CBFA2T3: variants seen among roughly 807,000 people sequenced by gnomAD.
CBFA2T3 encodes transcriptional corepressor CBFA2T3.
Under a neutral mutation model 58.6 loss-of-function variants are expected in CBFA2T3, and 31 were observed. That is an observed-to-expected ratio of 0.53 (90% CI 0.40 to 0.71). The LOEUF is 0.71. Ranked by LOEUF, CBFA2T3 falls within the 30% of genes least tolerant of loss-of-function variation. The probability of loss-of-function intolerance (pLI) is 0.00; values close to 1 mark genes in which losing one functional copy is unlikely to be tolerated. For missense variants in CBFA2T3, 1,076 were observed against 963.1 expected, an observed-to-expected ratio of 1.12 and a Z score of -1.55; for synonymous variants, 531 against 421.9, an observed-to-expected ratio of 1.26 and a Z score of -3.17.
intron 1 of CBFA2T3, among the ~76,000 whole-genome samples, chr16:88,959,083 G>A (rs571558680): frequency 3.9e-5 from 6 of 152,346 alleles, no homozygotes; most frequent in Non-Finnish European, 7.3e-5. Flanking sequence ...CCATCCTCGC[G>A]ATGCCAAGGT....
At chr16:88,895,402 G>A (rs1969845702) in intron 3 of CBFA2T3, among the ~76,000 whole-genome samples, 1 of 152,146 alleles carries the variant, frequency 6.6e-6, no homozygotes. Context: ...GCTGTGGCCC[G>A]GGCTGGGCTC....
intron 1 of CBFA2T3, chr16:88,938,427 C>G (rs1175590688): frequency 6.6e-6 from 1 of 152,544 alleles, no homozygotes; most frequent in Non-Finnish European, 1.5e-5. Context: ...CCTGCATGAC[C>G]TGTGGAGTGA....
At chr16:88,882,838 G>T in intron 7 of CBFA2T3, 77 bp from the exon 8 acceptor site, 2 of 1,007,554 alleles carry the variant, frequency 2.0e-6, no homozygotes, top group Non-Finnish European at 3.0e-6. Flanking sequence ...CCCGCCCTCT[G>T]CTCCCAGGCC....
chr16:88,906,445 G>A (rs115151903), intron 1 of CBFA2T3, among the ~76,000 whole-genome samples: 2,029 of 151,744 alleles, frequency 0.013, 44 homozygotes, highest in African/African-American at 0.048. Context: ...CGCTCCAGCC[G>A]CAAGACGGCC....
intron 1 of CBFA2T3, among the ~76,000 whole-genome samples, chr16:88,962,686 C>T (rs1490811296): frequency 6.6e-6 from 1 of 152,244 alleles, no homozygotes; most frequent in Non-Finnish European, 1.5e-5. Context: ...AGTGCCTTCC[C>T]ACCCAGCACC....
Position 88,958,417 on chromosome 16 carries a change from G to A in CBFA2T3, c.151+18240C>T, listed in dbSNP as rs540646880. 2.4e-4 allele frequency among the ~76,000 whole-genome samples: 37 copies of A among 151,806 alleles called. 1 individual carries two copies. The highest frequency in any genetic ancestry group is 9.0e-4 in the African/African-American group (37 of 41,340). On this transcript the variant is annotated intron_variant, in intron 1 of 11. Coordinates refer to ENST00000268679, the MANE Select transcript of CBFA2T3 (RefSeq NM_005187.6). This position sits in a 1 kb window ranked among gnomAD's most constrained non-coding sequence, Gnocchi z 4.0. ...AGGAGAAGTTTTATTTGGGGTGGGGGTGTTAGAGTAATGCCAGGCGGGGCG... is the reference window on the plus strand; with the variant it reads ...AGGAGAAGTTTTATTTGGGGTGGGGATGTTAGAGTAATGCCAGGCGGGGCG...
intron 2 of CBFA2T3, among the ~76,000 whole-genome samples, chr16:88,898,422 T>G (rs1412209421): frequency 6.6e-6 from 1 of 152,198 alleles, no homozygotes; most frequent in Non-Finnish European, 1.5e-5. Flanking sequence ...CTGACGGGGC[T>G]CTGTCACCAC....
chr16:88,877,930 G>C (rs890369654), intron 11 of CBFA2T3, among the ~76,000 whole-genome samples: 2 of 152,186 alleles, frequency 1.3e-5, no homozygotes, highest in Admixed American at 6.5e-5. Context: ...ACCTGCCCTA[G>C]GGGAGAAGCC....
intron 1 of CBFA2T3, among the ~76,000 whole-genome samples, chr16:88,971,670 ACAGCTCCCAGCT>A (rs1972659459): frequency 1.3e-5 from 2 of 152,194 alleles, no homozygotes; most frequent in Non-Finnish European, 2.9e-5. Context: ...GACCCAGTCC[ACAGCTCCCAGCT>A]GGAGTTCCTT....
chr16:88,949,425 G>T (rs1419707316), intron 1 of CBFA2T3, among the ~76,000 whole-genome samples: 3 of 152,098 alleles, frequency 2.0e-5, no homozygotes, highest in African/African-American at 7.2e-5. Flanking sequence ...CAGGTGTGAT[G>T]GTGTGTGCCT....
intron 1 of CBFA2T3, among the ~76,000 whole-genome samples, chr16:88,975,559 G>C (rs1972835209): frequency 6.6e-6 from 1 of 152,280 alleles, no homozygotes; most frequent in African/African-American, 2.4e-5. Context: ...AGAGAGGACG[G>C]GATGGCAGAT....
intron 1 of CBFA2T3, among the ~76,000 whole-genome samples, chr16:88,916,356 G>A (rs771953677): frequency 3.9e-5 from 6 of 151,992 alleles, no homozygotes; most frequent in Non-Finnish European, 5.9e-5. Context: ...GTGTGTGTCC[G>A]TGTATATGCA....
rs139160505 is a variant in CBFA2T3, at chr16:88,970,270, C to T, written c.151+6387G>A. On this transcript the variant is annotated intron_variant, in intron 1 of 11. Coordinates refer to ENST00000268679, the MANE Select transcript of CBFA2T3 (RefSeq NM_005187.6). ...GTGCTTGATCCAGGGGTCGGCGACG[C>T]GGGTGTCAGGCAGCACCTGCGTGGG... Among the ~76,000 whole-genome samples, 378 of 152,302 alleles carry T rather than the reference C, an allele frequency of 2.5e-3. 3 individuals carry two copies. The highest frequency in any genetic ancestry group is 8.7e-3 in the African/African-American group (363 of 41,574).
chr16:88,900,393 G>C (rs1333350012), intron 2 of CBFA2T3, among the ~76,000 whole-genome samples: 1 of 152,270 alleles, frequency 6.6e-6, no homozygotes, highest in African/African-American at 2.4e-5. Context: ...GGGAGATGAT[G>C]GCCAAAGCCC....
At chr16:88,939,820 G>A (rs960901816) in intron 1 of CBFA2T3, 4 of 152,240 alleles carry the variant, frequency 2.6e-5, no homozygotes, top group East Asian at 1.9e-4. Context: ...AGGGTCGGAC[G>A]CGCTCAGGCC....
At chr16:88,952,491 C>T (rs541732629) in intron 1 of CBFA2T3, among the ~76,000 whole-genome samples, 3 of 151,812 alleles carry the variant, frequency 2.0e-5, no homozygotes, top group South Asian at 2.1e-4. Flanking sequence ...CCTTCTCCCA[C>T]GGGGCACCGA....
chr16:88,972,709 G>T (rs185633466), intron 1 of CBFA2T3, among the ~76,000 whole-genome samples: 4 of 152,330 alleles, frequency 2.6e-5, no homozygotes, highest in Middle Eastern at 3.4e-3. Flanking sequence ...GTGCCTCTCA[G>T]AACCTCAGTC....
rs140234150 is a variant in CBFA2T3, at chr16:88,963,623, C to A, written c.151+13034G>T. Among the ~76,000 whole-genome samples the A allele has an allele frequency of 9.2e-3, 1,407 of 152,300 alleles. 25 individuals are homozygous for A. The highest frequency in any genetic ancestry group is 0.032 in the African/African-American group (1,341 of 41,554). On this transcript the variant is annotated intron_variant, in intron 1 of 11. Coordinates refer to ENST00000268679, the MANE Select transcript of CBFA2T3 (RefSeq NM_005187.6). ...TCGTGGACATTCCATAAAATGGGACCAGACCGTATGCGGCCTCTTGGCTCT... is the reference window on the plus strand; with the variant it reads ...TCGTGGACATTCCATAAAATGGGACAAGACCGTATGCGGCCTCTTGGCTCT...
chr16:88,906,066 G>A (rs973327045), intron 1 of CBFA2T3, among the ~76,000 whole-genome samples: 3 of 152,058 alleles, frequency 2.0e-5, no homozygotes, highest in Non-Finnish European at 4.4e-5. Flanking sequence ...TGCGCAGCAG[G>A]GGGGTCCAGC....
Sources: allele counts gnomAD v4.1 joint callset (sites outside exome capture counted in the v4.1 genomes callset), GRCh38; gene constraint gnomAD v4.1.1; non-coding constraint Gnocchi (gnomAD v3.1); transcripts MANE v1.5; gene names NCBI Gene and HGNC (gene_info 2026-07-23, HGNC 2026-07-21).